The following FGD6 variants were observed in gnomAD, a reference collection of about 807,000 sequenced individuals.
The protein encoded by FGD6 is FYVE, RhoGEF and PH domain containing 6.
A neutral mutation model predicts 149.4 loss-of-function variants in FGD6; 90 were observed. The observed-to-expected ratio is 0.60, with a 90% CI of 0.51 to 0.72. The LOEUF is 0.72. FGD6 is among the 30% of genes least tolerant of loss of function. The probability of loss-of-function intolerance (pLI) is 0.00; values close to 1 mark genes in which losing one functional copy is unlikely to be tolerated. For synonymous variants in FGD6, 527 were observed against 584.0 expected, an observed-to-expected ratio of 0.90 and a Z score of 1.41; for missense variants, 1,437 against 1,684.8, an observed-to-expected ratio of 0.85 and a Z score of 2.57.
chr12:95,173,993 A>C (rs1881063049), intron 2 of FGD6, among the ~76,000 whole-genome samples: 1 of 152,134 alleles, frequency 6.6e-6, no homozygotes, highest in South Asian at 2.1e-4. Context: ...AGCTGGCTGG[A>C]GGCACAGTGC....
chr12:95,201,796 C>T (rs1023159633), intron 2 of FGD6, among the ~76,000 whole-genome samples: 1 of 152,048 alleles, frequency 6.6e-6, no homozygotes, highest in Non-Finnish European at 1.5e-5. Context: ...ATATCCTTGG[C>T]TAAATTTAAG....
chr12:95,126,392 T>C (rs935419292), intron 8 of FGD6: 3 of 1,428,088 alleles, frequency 2.1e-6, no homozygotes, highest in Non-Finnish European at 2.9e-6. Flanking sequence ...AGAAAGCATA[T>C]GAGGCAACTA....
At chr12:95,215,843 T>A (rs2056753423) in intron 1 of FGD6, among the ~76,000 whole-genome samples, 1 of 152,236 alleles carries the variant, frequency 6.6e-6, no homozygotes. Context: ...AAGACACGGT[T>A]ATTTTAAATA....
chr12:95,125,305 T>G (rs1046944048), intron 8 of FGD6, among the ~76,000 whole-genome samples: 6 of 152,304 alleles, frequency 3.9e-5, no homozygotes, highest in Admixed American at 3.3e-4. Flanking sequence ...TGTGCTTGCC[T>G]CATATACCCT....
rs559418258 is a variant in FGD6, at chr12:95,150,410, G to C, written c.2685+2401C>G. On this transcript the variant is annotated intron_variant, in intron 5 of 20. Transcript: ENST00000343958. ...TTTACTAAGGCTAGCTCCCATCAGA[G>C]AGCAATAAGACAACCAAAAACCTTC... Among the ~76,000 whole-genome samples, 20 of 34,108 alleles carry C rather than the reference G, an allele frequency of 5.9e-4. No homozygotes were observed. In the East Asian group the frequency reaches 0.012, roughly 20 times the overall value. 22.4% of individuals were successfully genotyped at this position (34,108 alleles called of 152,430 possible).
At chr12:95,091,959 G>A in intron 16 of FGD6, 150 bp from the exon 17 acceptor site, 1 of 619,482 alleles carries the variant, frequency 1.6e-6, no homozygotes, top group East Asian at 2.8e-5. Context: ...TAACTCTGGA[G>A]TTCAGGCATA....
At chr12:95,214,116 T>C (rs964835553) in intron 1 of FGD6, among the ~76,000 whole-genome samples, 1 of 152,210 alleles carries the variant, frequency 6.6e-6, no homozygotes, top group Non-Finnish European at 1.5e-5. Flanking sequence ...CCTTTGTCTG[T>C]GTTCAGCATA....
At chr12:95,136,683 A>G (rs1046346855) in intron 7 of FGD6, among the ~76,000 whole-genome samples, 1 of 152,220 alleles carries the variant, frequency 6.6e-6, no homozygotes, top group African/African-American at 2.4e-5. Context: ...CCCATCCATC[A>G]TTGTAAGTTA....
chr12:95,138,416 C>T (rs1160585646), intron 6 of FGD6, among the ~76,000 whole-genome samples: 2 of 151,488 alleles, frequency 1.3e-5, no homozygotes, highest in South Asian at 4.2e-4. Context: ...TGGTGGCAGG[C>T]GCCTGTAATC....
intron 18 of FGD6, among the ~76,000 whole-genome samples, chr12:95,087,328 TCTAA>T (rs1373098917): frequency 1.6e-4 from 25 of 152,286 alleles, no homozygotes; most frequent in African/African-American, 4.3e-4. Flanking sequence ...ACGACTTGCT[TCTAA>T]CTAAGAATTT....
At chr12:95,083,030 T>TATATATACACACACACACACACACAC (rs772685891) in intron 20 of FGD6, among the ~76,000 whole-genome samples, 11 of 56,592 alleles carry the variant, frequency 1.9e-4, no homozygotes, top group Non-Finnish European at 3.3e-4. Context: ...TATATATATA[T>TATATATACACACACACACACACACAC]ACACACACAT....
chr12:95,145,969 A>T (rs1316797881), intron 5 of FGD6, among the ~76,000 whole-genome samples: 3 of 152,132 alleles, frequency 2.0e-5, no homozygotes, highest in Admixed American at 2.0e-4. Flanking sequence ...CCACTGCGCC[A>T]GGCCCCCTAT....
At chr12:95,132,957 C>G (rs1222743628) in intron 8 of FGD6, among the ~76,000 whole-genome samples, 3 of 152,190 alleles carry the variant, frequency 2.0e-5, no homozygotes, top group Non-Finnish European at 4.4e-5. Context: ...CTGAGTTTAT[C>G]TAGCAAAAAC....
chr12:95,102,889 T>C (rs1482818523), intron 14 of FGD6, among the ~76,000 whole-genome samples: 2 of 152,238 alleles, frequency 1.3e-5, no homozygotes, highest in Non-Finnish European at 1.5e-5. Context: ...CCTCCATTTT[T>C]CTAATCTGGA....
At chr12:95,142,884 A>C (rs1328544960) in intron 5 of FGD6, among the ~76,000 whole-genome samples, 1 of 152,050 alleles carries the variant, frequency 6.6e-6, no homozygotes, top group African/African-American at 2.4e-5. Context: ...TGTTCTCTAG[A>C]CTATCTGTAC....
chr12:95,175,866 G>A (rs1393034591), intron 2 of FGD6, among the ~76,000 whole-genome samples: 1 of 151,700 alleles, frequency 6.6e-6, no homozygotes, highest in African/African-American at 2.4e-5. Context: ...AAGGGGTGAG[G>A]AGGAAAAACT....
intron 3 of FGD6, among the ~76,000 whole-genome samples, chr12:95,171,576 C>T (rs1009752361): frequency 2.0e-5 from 3 of 152,158 alleles, no homozygotes; most frequent in South Asian, 2.1e-4. Flanking sequence ...AGTGCAGTGG[C>T]GTGATCTCGG....
rs866135561 is a variant in FGD6 at position 95,209,692 on chromosome 12, C to G, written c.1592G>C (p.Ser531Thr). 1 of 1,613,898 alleles carries G rather than the reference C, an allele frequency of 6.2e-7. No homozygotes were observed. The highest frequency in any genetic ancestry group is 1.6e-4 in the Middle Eastern group (1 of 6,062). The change falls in exon 2 of 21, where the codon AGT becomes ACT. Residue 531 changes from serine to threonine, a missense_variant. Transcript: ENST00000343958. ...ATTTCTTTCTAGACTCTTCTCTGAA[C>G]TTTTTTCTTCACTTGAAGGATAAGA... Reference protein sequence around the residue: ...KSSYPSSEEKSSEKSLERNHL... With the variant: ...KSSYPSSEEKTSEKSLERNHL...
chr12:95,157,290 G>C (rs187483054), intron 3 of FGD6, among the ~76,000 whole-genome samples: 1 of 152,126 alleles, frequency 6.6e-6, no homozygotes, highest in African/African-American at 2.4e-5. Flanking sequence ...TACTGGGCTG[G>C]GTGCGGTGGC....
Sources: gnomAD v4.1 joint callset for allele counts (sites outside exome capture counted in the v4.1 genomes callset) on GRCh38, gnomAD v4.1.1 for gene constraint, MANE v1.5 for transcripts, NCBI Gene and HGNC (gene_info 2026-07-23, HGNC 2026-07-21) for gene names.